Variants in CCNH observed in about 807,000 individuals in gnomAD.
CCNH encodes the protein cyclin H, also known as cyclin-H.
Under a neutral mutation model 41.9 loss-of-function variants are expected in CCNH, and 31 were observed. The observed-to-expected ratio is 0.74, with a 90% CI of 0.56 to 1.00. CCNH has a LOEUF of 1.00. CCNH is among the 50% of genes least tolerant of loss of function. CCNH has a pLI of 0.00. For missense variants in CCNH, 362 were observed against 388.4 expected (o/e 0.93, Z 0.57); for synonymous variants, 138 against 136.1 (o/e 1.01, Z -0.10).
chr5:87,345,125 C>T (rs571338928), intron 9 of CCNH, among the ~76,000 whole-genome samples: 2 of 151,950 alleles, frequency 1.3e-5, no homozygotes, highest in Non-Finnish European at 2.9e-5. Context: ...AGGTGTGATC[C>T]CAGTTCCCAC....
At chr5:87,400,485 TAC>T (rs1763319068) in intron 6 of CCNH, among the ~76,000 whole-genome samples, 1 of 152,160 alleles carries the variant, frequency 6.6e-6, no homozygotes, top group South Asian at 2.1e-4. Context: ...TCCTAACAGC[TAC>T]AGTCAAATCA....
At chr5:87,405,606 G>A (rs190616395) in intron 4 of CCNH, among the ~76,000 whole-genome samples, 1 of 152,108 alleles carries the variant, frequency 6.6e-6, no homozygotes, top group African/African-American at 2.4e-5. Flanking sequence ...AGTCAATTAT[G>A]CAAAAATGCC....
downstream of CCNH, among the ~76,000 whole-genome samples, chr5:87,314,515 G>T (rs189665024): frequency 1.3e-5 from 2 of 152,348 alleles, no homozygotes; most frequent in East Asian, 3.9e-4. Context: ...CTTTTTGACT[G>T]ATTGGATATG....
chr5:87,334,980 T>G (rs1757860555), intron 9 of CCNH, among the ~76,000 whole-genome samples: 2 of 152,068 alleles, frequency 1.3e-5, no homozygotes, highest in African/African-American at 4.8e-5. Context: ...ACCTCCTGGG[T>G]TCAAGGGATT....
At chr5:87,335,769 A>G (rs923431025) in intron 9 of CCNH, among the ~76,000 whole-genome samples, 4 of 152,176 alleles carry the variant, frequency 2.6e-5, no homozygotes, top group African/African-American at 7.2e-5. Context: ...TAACAACTAG[A>G]AGATATAGAT....
At chr5:87,393,847 T>TATC (rs1554051803), downstream of CCNH, 1 of 152,056 alleles carries the variant, frequency 6.6e-6, no homozygotes, top group Non-Finnish European at 1.5e-5. Flanking sequence ...GCTACCTACT[T>TATC]ATCTATACTA....
Position 87,411,265 on chromosome 5 carries a change from A to G in CCNH, c.199T>C (p.Phe67Leu), listed in dbSNP as rs753813156. The G allele has an allele frequency of 6.2e-7, 1 of 1,612,690 alleles. No individual in the cohort carries two copies. The highest frequency in any genetic ancestry group is 1.1e-5 in the South Asian group (1 of 90,732). The part of the protein sequence containing the change: ...CKYYEKRLLE[F>L]CSVFKPAMPR... ...ATTGCTGGCTTAAACACCGAACAGA[A>G]TTCCAATAACCTTTTCTCATAGTAT... The change falls in exon 2 of 9, where the codon TTC becomes CTC. Residue 67 changes from phenylalanine (F) to leucine (L), a missense_variant. Physicochemically the swap from Phe to Leu is conservative, Grantham distance 22 (BLOSUM62 0). Coordinates refer to ENST00000256897, the MANE Select transcript of CCNH (RefSeq NM_001239.4).
intron 9 of CCNH, among the ~76,000 whole-genome samples, chr5:87,361,239 A>G (rs1580352182): frequency 6.6e-6 from 1 of 152,248 alleles, no homozygotes; most frequent in East Asian, 1.9e-4. Flanking sequence ...TATAAAAAAC[A>G]GGTGGTGGAC....
chr5:87,384,735 C>G (rs972997197), intron 9 of CCNH, among the ~76,000 whole-genome samples: 1 of 152,112 alleles, frequency 6.6e-6, no homozygotes, highest in African/African-American at 2.4e-5. Flanking sequence ...TTACATCCTA[C>G]TATCTGTGTT....
chr5:87,412,847 C>A lies in CCNH; in HGVS notation c.-53G>T. 6.3e-7 allele frequency: 1 copy of A among 1,591,704 alleles called. No individual in the cohort carries two copies. The highest frequency in any genetic ancestry group is 1.1e-5 in the South Asian group (1 of 90,520). On this transcript the variant is annotated 5_prime_UTR_variant, in exon 1 of 9. Coordinates refer to ENST00000256897, the MANE Select transcript of CCNH (RefSeq NM_001239.4). ...TCTGCAGACGAGAACCCAAACGCATCAGCGTCCTGGCGTAAAACACCCGTA... is the reference window on the plus strand; with the variant it reads ...TCTGCAGACGAGAACCCAAACGCATAAGCGTCCTGGCGTAAAACACCCGTA...
At chr5:87,379,981 A>G, upstream of CCNH, 5 of 956,046 alleles carry the variant, frequency 5.2e-6, no homozygotes, top group Non-Finnish European at 6.3e-6. Flanking sequence ...GTTAATCTTT[A>G]TGAGATGAAT....
In CCNH at chr5:87,376,493, G is replaced by A. The variant is rs374292148; in HGVS notation, n.688C>T. The stretch of plus-strand genomic sequence containing the variant: ...TACCATTAAAAGGTATTGAACCAGG[G>A]TCCCTGCGTGTTCGAGCACGATACT... On this transcript the variant is annotated non_coding_transcript_exon_variant, in exon 1 of 1. Coordinates refer to the CCNH transcript ENST00000607486. 1.9e-6 allele frequency: 3 copies of A among 1,614,000 alleles called. No homozygotes were observed. The highest frequency in any genetic ancestry group is 2.7e-5 in the African/African-American group (2 of 75,012).
intron 2 of CCNH, among the ~76,000 whole-genome samples, chr5:87,410,885 G>A (rs1201960787): frequency 4.6e-5 from 7 of 152,182 alleles, no homozygotes; most frequent in African/African-American, 1.2e-4. Context: ...TTTATTGGGT[G>A]TCACAGAGTT....
At chr5:87,401,500 A>G (rs898962585) in intron 6 of CCNH, among the ~76,000 whole-genome samples, 1 of 152,200 alleles carries the variant, frequency 6.6e-6, no homozygotes, top group Non-Finnish European at 1.5e-5. Context: ...CATAAGTTCT[A>G]TATAAATGAA....
At chr5:87,341,162 TC>T in intron 9 of CCNH, 2 of 522,634 alleles carry the variant, frequency 3.8e-6, no homozygotes, top group South Asian at 2.0e-4. Context: ...AACAGAAACA[TC>T]TTTTTTTATA....
intron 9 of CCNH, among the ~76,000 whole-genome samples, chr5:87,330,545 C>A (rs182070425): frequency 1.3e-5 from 2 of 152,178 alleles, no homozygotes; most frequent in Non-Finnish European, 2.9e-5. Context: ...GTTACCATGC[C>A]TGTATGATAC....
At chr5:87,331,212 A>T (rs1489029763) in intron 9 of CCNH, 1 of 1,053,422 alleles carries the variant, frequency 9.5e-7, no homozygotes, top group Non-Finnish European at 1.5e-6. Flanking sequence ...AAATTGGAAT[A>T]ACTGGTTCAG....
At chr5:87,325,294 CAT>C (rs958797259) in intron 9 of CCNH, among the ~76,000 whole-genome samples, 3 of 152,166 alleles carry the variant, frequency 2.0e-5, no homozygotes, top group Admixed American at 6.6e-5. Context: ...CCACCCACAA[CAT>C]GTGGGGATTA....
At chr5:87,323,489 G>A (rs1756983055) in intron 9 of CCNH, among the ~76,000 whole-genome samples, 1 of 152,130 alleles carries the variant, frequency 6.6e-6, no homozygotes, top group Non-Finnish European at 1.5e-5. Flanking sequence ...GGACAGATCT[G>A]AGAATATTTT....
Sources: gnomAD v4.1 joint callset for allele counts (sites outside exome capture counted in the v4.1 genomes callset) on GRCh38, gnomAD v4.1.1 for gene constraint, MANE v1.5 for transcripts, NCBI Gene and HGNC (gene_info 2026-07-23, HGNC 2026-07-21) for gene names.